The following THSD1 variants were observed in gnomAD, a reference collection of about 807,000 sequenced individuals.
THSD1 encodes the protein thrombospondin type 1 domain containing 1.
In THSD1, 34 loss-of-function variants were observed where a neutral mutation model predicts 46.3. The ratio of observed to expected loss-of-function variants is 0.74; its 90% confidence interval spans 0.56 to 0.98. THSD1 has a LOEUF of 0.98. Among genes scored for constraint, THSD1 ranks in the 50% least tolerant of loss-of-function variants. THSD1 has a pLI of 0.00. For missense variants in THSD1, 1,023 were observed against 1,058.3 expected, an observed-to-expected ratio of 0.97 and a Z score of 0.46; for synonymous variants, 407 against 416.5, an observed-to-expected ratio of 0.98 and a Z score of 0.28.
chr13:52,404,498 G>A (rs546235529), intron 1 of THSD1, among the ~76,000 whole-genome samples: 138 of 151,702 alleles, frequency 9.1e-4, no homozygotes, highest in Non-Finnish European at 1.6e-3. Context: ...CCTCTTCCCC[G>A]CCACCCCCAC....
At chr13:52,396,049 G>T (rs1957807887) in intron 3 of THSD1, among the ~76,000 whole-genome samples, 1 of 152,196 alleles carries the variant, frequency 6.6e-6, no homozygotes, top group South Asian at 2.1e-4. Flanking sequence ...TTAAAGGGAT[G>T]AACCATGGAA....
intron 3 of THSD1, among the ~76,000 whole-genome samples, chr13:52,391,327 C>A (rs1476057026): frequency 2.0e-5 from 3 of 150,868 alleles, no homozygotes; most frequent in Non-Finnish European, 2.9e-5. Flanking sequence ...AGGTGATCCT[C>A]CTACCTCAGC....
intron 2 of THSD1, among the ~76,000 whole-genome samples, chr13:52,401,781 A>G (rs982233172): frequency 6.6e-6 from 1 of 152,202 alleles, no homozygotes; most frequent in African/African-American, 2.4e-5. Flanking sequence ...AGTGTCCTCT[A>G]TATCTTGGAT....
At chr13:52,398,284 T>G in intron 2 of THSD1, 90 bp from the exon 3 acceptor site, 1 of 1,512,316 alleles carries the variant, frequency 6.6e-7, no homozygotes, top group Non-Finnish European at 8.8e-7. Context: ...TTTAAATTTT[T>G]TTTTGAGACA....
At chr13:52,387,555 T>A (rs189599614) in intron 3 of THSD1, among the ~76,000 whole-genome samples, 1 of 152,226 alleles carries the variant, frequency 6.6e-6, no homozygotes, top group East Asian at 1.9e-4. Flanking sequence ...ATAGCTACGA[T>A]AAATATGCCA....
chr13:52,398,536 C>T, intron 2 of THSD1: 1 of 984,746 alleles, frequency 1.0e-6, no homozygotes, highest in Non-Finnish European at 1.2e-6. Context: ...GCCACTGCAC[C>T]CAGCAGAAAA....
Position 52,397,949 on chromosome 13 carries a change from T to C in THSD1, c.304A>G (p.Thr102Ala). Reference sequence around the variant, plus strand: ...TTGTCTGTTGCTTCTGGAGTCATTGTGAACCAGTAGTCACCAGCCTCCTTG... The same window carrying C: ...TTGTCTGTTGCTTCTGGAGTCATTGCGAACCAGTAGTCACCAGCCTCCTTG... ...YFKEAGDYWFTMTPEATDNST... is the reference protein window; with the variant it reads ...YFKEAGDYWFAMTPEATDNST... The change falls in exon 3 of 5, where the codon ACA (threonine) becomes GCA (alanine). Residue 102 changes from threonine to alanine, a missense_variant. This residue lies in a region of THSD1 where 429 missense variants were observed against 518.3 expected (regional missense o/e 0.83). Coordinates refer to ENST00000258613, the MANE Select transcript of THSD1 (RefSeq NM_018676.4). 6.2e-7 allele frequency: 1 copy of C among 1,614,268 alleles called. No homozygotes were observed. Among genetic ancestry groups the C allele is most frequent in the Non-Finnish European group, 8.5e-7 (1 of 1,180,050 alleles).
chr13:52,401,868 G>A (rs1193491827), intron 2 of THSD1, among the ~76,000 whole-genome samples: 2 of 152,150 alleles, frequency 1.3e-5, no homozygotes, highest in African/African-American at 4.8e-5. Flanking sequence ...GAAATATTTG[G>A]AAATCATCAA....
chr13:52,380,658 C>T (rs1370494484), intron 4 of THSD1, among the ~76,000 whole-genome samples: 1 of 152,014 alleles, frequency 6.6e-6, no homozygotes, highest in Non-Finnish European at 1.5e-5. Context: ...CCATGTTAGC[C>T]AGGATGGCCT....
At chr13:52,400,602 A>AC (rs1162727924) in intron 2 of THSD1, among the ~76,000 whole-genome samples, 6 of 151,850 alleles carry the variant, frequency 4.0e-5, no homozygotes, top group Non-Finnish European at 8.8e-5. Context: ...TCCATCTCAA[A>AC]AAAACAAACA....
chr13:52,383,138 G>A (rs1045178686), intron 4 of THSD1, among the ~76,000 whole-genome samples: 4 of 152,102 alleles, frequency 2.6e-5, no homozygotes, highest in African/African-American at 9.7e-5. Flanking sequence ...TATTAAGCCT[G>A]TTTATGTGCC....
intron 3 of THSD1, among the ~76,000 whole-genome samples, chr13:52,395,542 G>A (rs916089209): frequency 2.6e-5 from 4 of 152,140 alleles, no homozygotes; most frequent in African/African-American, 9.7e-5. Flanking sequence ...CAGGGAACGA[G>A]CAGGGAAGAG....
At chr13:52,389,551 AC>A (rs1842220495) in intron 3 of THSD1, among the ~76,000 whole-genome samples, 3 of 152,280 alleles carry the variant, frequency 2.0e-5, no homozygotes, top group East Asian at 1.9e-4. Flanking sequence ...AAGTAAAAAA[AC>A]GGAAGATATG....
At position 52,399,812 on chromosome 13, in the gene THSD1, A is replaced by C. The variant is rs146758065; in HGVS notation, c.59-1618T>G. On this transcript the variant is annotated intron_variant, in intron 2 of 4. Coordinates refer to ENST00000258613, the MANE Select transcript of THSD1 (RefSeq NM_018676.4). ...GATTCTGGTGCAGCTTGTGTACTGG[A>C]TCAGACCCAACCTGGTACCTTTCTT... Among the ~76,000 whole-genome samples the C allele has an allele frequency of 3.9e-3, 587 of 152,300 alleles. 1 individual carries two copies. Among genetic ancestry groups the C allele is most frequent in the Non-Finnish European group, 5.7e-3 (390 of 68,030 alleles).
chr13:52,402,809 A>G (rs1400086232), intron 1 of THSD1, 128 bp from the exon 2 acceptor site: 9 of 1,356,762 alleles, frequency 6.6e-6, no homozygotes, highest in Non-Finnish European at 6.7e-6. Context: ...TAGAGAGGAC[A>G]CTAATTTTCC....
At chr13:52,402,300 T>C (rs1239748909) in intron 2 of THSD1, among the ~76,000 whole-genome samples, 1 of 152,166 alleles carries the variant, frequency 6.6e-6, no homozygotes, top group East Asian at 1.9e-4. Flanking sequence ...TTTGTTAAAA[T>C]TTGAGAGAGT....
At position 52,397,867 on chromosome 13, in the gene THSD1, A is replaced by G; in HGVS notation, c.386T>C (p.Val129Ala). 1 of 1,614,284 alleles carries G rather than the reference A, an allele frequency of 6.2e-7. No homozygotes were observed. Among genetic ancestry groups the G allele is most frequent in the Non-Finnish European group, 8.5e-7 (1 of 1,180,056 alleles). ...ACTCCTATTCAAGTCAACGTGAAAG[A>G]CAGGCCATTCCACCTTCAGAAAGGC... Reference protein sequence around the residue: ...KSAFLKVEWPVFHVDLNRSAK... With the variant: ...KSAFLKVEWPAFHVDLNRSAK... The change falls in exon 3 of 5, where the codon GTC becomes GCC. Residue 129 changes from valine to alanine, a missense_variant. By Grantham distance (64) the Val-to-Ala change is moderately conservative. This residue lies in a region of THSD1 where 429 missense variants were observed against 518.3 expected (regional missense o/e 0.83). Transcript: ENST00000258613.
In THSD1 at chr13:52,378,449, C is replaced by G; in HGVS notation, c.1521G>C (p.Glu507Asp). 2 of 1,614,184 alleles carry G rather than the reference C, an allele frequency of 1.2e-6. No individual in the cohort carries two copies. The highest frequency in any genetic ancestry group is 2.2e-5 in the South Asian group (2 of 91,084). The change falls in exon 5 of 5, where the codon GAG (glutamate) becomes GAC (aspartate). Residue 507 changes from glutamate to aspartate, a missense_variant. Around this residue, in one of 3 missense-constraint regions of THSD1, gnomAD observed 578 missense variants for 497.4 expected, o/e 1.16. Transcript: ENST00000258613. ...TYRRSGPVPP[E>D]DDASGSESFQ... ...AGCTCTCGCTGCCAGAGGCATCATC[C>G]TCGGGAGGTACCGGCCCGCTCCGCC...
In THSD1 at chr13:52,378,677, C is replaced by T. The variant is rs754254278; in HGVS notation, c.1293G>A (p.Val431=). 5.6e-6 allele frequency: 9 copies of T among 1,614,058 alleles called. No individual in the cohort carries two copies. The South Asian group carries it at 9.9e-5, about 18-fold the overall frequency. The change falls in exon 5 of 5, where the codon GTG becomes GTA. Residue 431 remains valine (V), a synonymous_variant. Transcript: ENST00000258613. ...CGAACCTCCTCCACAGCGTGATGAG[C>T]ACAGTGGCAATGATGATGAACAAGC... ...SLCLFIIIAT[V]LITLWRRFGR...
Sources: allele counts gnomAD v4.1 joint callset (sites outside exome capture counted in the v4.1 genomes callset), GRCh38; gene constraint gnomAD v4.1.1; regional missense constraint gnomAD v4.1.1; transcripts MANE v1.5; gene names NCBI Gene and HGNC (gene_info 2026-07-23, HGNC 2026-07-21).